CRACDL: variants seen among roughly 807,000 people sequenced by gnomAD.
CRACDL encodes the protein CRACD-like protein.
Under a neutral mutation model 70.6 loss-of-function variants are expected in CRACDL, and 26 were observed. The observed-to-expected ratio is 0.37, with a 90% CI of 0.27 to 0.51. The LOEUF is 0.51. CRACDL is among the 20% of genes least tolerant of loss of function. The pLI is 0.94. For missense variants in CRACDL, 1,283 were observed against 1,376.9 expected (o/e 0.93, Z 1.08); for synonymous variants, 618 against 615.2 (o/e 1.00, Z -0.07).
intron 5 of CRACDL, among the ~76,000 whole-genome samples, chr2:98,828,278 A>G (rs1456004114): frequency 3.3e-5 from 5 of 152,202 alleles, no homozygotes; most frequent in Admixed American, 6.5e-5. Flanking sequence ...GGGAGACTCT[A>G]GGAGGTGACA....
intron 1 of CRACDL, among the ~76,000 whole-genome samples, chr2:98,917,427 T>A (rs1258187672): frequency 6.6e-6 from 1 of 152,204 alleles, no homozygotes; most frequent in South Asian, 2.1e-4. Flanking sequence ...GCTTGCAGCT[T>A]CCTCTCCCAA....
chr2:98,876,820 G>C (rs1299544305), intron 1 of CRACDL, among the ~76,000 whole-genome samples: 2 of 152,350 alleles, frequency 1.3e-5, no homozygotes, highest in African/African-American at 4.8e-5. Flanking sequence ...GACCAGGCTA[G>C]GTGAAATTCA....
At chr2:98,921,823 C>G (rs1378378122) in intron 1 of CRACDL, among the ~76,000 whole-genome samples, 1 of 152,280 alleles carries the variant, frequency 6.6e-6, no homozygotes, top group East Asian at 1.9e-4. Context: ...ACCGGCCAGC[C>G]CCTCCTGTAA....
intron 1 of CRACDL, among the ~76,000 whole-genome samples, chr2:98,912,546 C>G (rs1708569490): frequency 6.6e-6 from 1 of 152,230 alleles, no homozygotes; most frequent in African/African-American, 2.4e-5. Context: ...TTGTGCTCAG[C>G]TCACAGCAGG....
chr2:98,927,539 C>T (rs113057289), intron 1 of CRACDL, among the ~76,000 whole-genome samples: 2 of 150,794 alleles, frequency 1.3e-5, no homozygotes, highest in Non-Finnish European at 2.9e-5. Flanking sequence ...AAAATTATTT[C>T]AGGCAGGACA....
At chr2:98,866,170 T>C (rs886181127) in intron 1 of CRACDL, among the ~76,000 whole-genome samples, 3 of 152,332 alleles carry the variant, frequency 2.0e-5, no homozygotes, top group Non-Finnish European at 4.4e-5. Context: ...GACAGAGCTC[T>C]AAGTAAAGCA....
Position 98,822,163 on chromosome 2 carries a change from T to TC in CRACDL, c.2109dup (p.Lys704GlufsTer103). The TC allele has an allele frequency of 6.2e-7, 1 of 1,608,878 alleles. No individual in the cohort carries two copies. Among genetic ancestry groups the TC allele is most frequent in the Non-Finnish European group, 8.5e-7 (1 of 1,177,972 alleles). On this transcript the variant is annotated frameshift_variant, in exon 7 of 10. Coordinates refer to ENST00000397899, the MANE Select transcript of CRACDL (RefSeq NM_207362.3). LOFTEE classifies it high-confidence loss of function. The surrounding 1 kb of genome is among the most constrained non-coding windows in gnomAD (Gnocchi z 4.9). Reference sequence around the variant, plus strand: ...TCGGCACTGTACCTCTTCACACCCTTCACCTCCTGAGAGGCGCCATCCCTG... The same window carrying TC: ...TCGGCACTGTACCTCTTCACACCCTTCCACCTCCTGAGAGGCGCCATCCCTG...
At chr2:98,856,652 T>G (rs1233488297) in intron 1 of CRACDL, among the ~76,000 whole-genome samples, 9 of 152,212 alleles carry the variant, frequency 5.9e-5, no homozygotes, top group Non-Finnish European at 8.8e-5. Context: ...TTGTTGGGAC[T>G]ATAATGTATA....
intron 1 of CRACDL, among the ~76,000 whole-genome samples, chr2:98,906,822 T>C (rs1708429128): frequency 6.6e-6 from 1 of 152,148 alleles, no homozygotes; most frequent in African/African-American, 2.4e-5. Flanking sequence ...TGGCAGAGAG[T>C]TAGTTGACTG....
chr2:98,880,486 G>T (rs192124104), intron 1 of CRACDL, among the ~76,000 whole-genome samples: 1 of 152,314 alleles, frequency 6.6e-6, no homozygotes, highest in Admixed American at 6.5e-5. Flanking sequence ...AGGTGGCAGT[G>T]AGTGACATCG....
Position 98,794,800 on chromosome 2 carries a change from A to G in CRACDL, c.2750-129T>C. On this transcript the variant is annotated intron_variant, in intron 9 of 9. Coordinates refer to ENST00000397899, the MANE Select transcript of CRACDL (RefSeq NM_207362.3). ...GTTCTCGAACATAAAATTCAATAAT[A>G]TGTCAACATGTAAGGAAGATTTGGG... 4.5e-6 allele frequency: 3 copies of G among 664,244 alleles called. No individual in the cohort carries two copies. In the South Asian group the frequency reaches 7.3e-5, roughly 16 times the overall value. 41.1% of individuals were successfully genotyped at this position (664,244 alleles called of 1,614,324 possible).
intron 1 of CRACDL, among the ~76,000 whole-genome samples, chr2:98,862,425 A>G (rs563107639): frequency 2.0e-5 from 3 of 152,214 alleles, no homozygotes; most frequent in Non-Finnish European, 4.4e-5. Context: ...CATCAAAGGA[A>G]AAAAACCAAC....
Position 98,822,039 on chromosome 2 carries a change from T to A in CRACDL, c.2234A>T (p.Gln745Leu), listed in dbSNP as rs1225714463. 1 of 1,544,722 alleles carries A rather than the reference T, an allele frequency of 6.5e-7. No individual in the cohort carries two copies. ...GGGGGGCCGGGCCTTCCCCTTTCCTTGGTCGCTGGGGGCCCTGGTGCCTCG... is the reference window on the plus strand; with the variant it reads ...GGGGGGCCGGGCCTTCCCCTTTCCTAGGTCGCTGGGGGCCCTGGTGCCTCG... ...ALRGTRAPSD[Q>L]GKGKARPPEP... Residue 745 changes from glutamine (Q) to leucine (L), a missense_variant, in exon 7 of 10, where the codon CAA (glutamine) becomes CTA (leucine). Gln to Leu is a moderately radical substitution (Grantham distance 113). Around this residue, in one of 2 missense-constraint regions of CRACDL, gnomAD observed 921 missense variants for 881.9 expected, o/e 1.04. Transcript: ENST00000397899. The surrounding 1 kb of genome is among the most constrained non-coding windows in gnomAD (Gnocchi z 4.9).
chr2:98,795,342 C>G (rs1315979338), intron 9 of CRACDL, among the ~76,000 whole-genome samples: 1 of 151,850 alleles, frequency 6.6e-6, no homozygotes, highest in Non-Finnish European at 1.5e-5. Context: ...TCCCAAAGTG[C>G]TGGGATTACA....
chr2:98,879,512 C>T (rs190573018), intron 1 of CRACDL, among the ~76,000 whole-genome samples: 6 of 152,218 alleles, frequency 3.9e-5, no homozygotes, highest in East Asian at 3.9e-4. Context: ...ATATGAGACA[C>T]CTAACATTCC....
At chr2:98,840,024 C>T (rs889564593) in intron 2 of CRACDL, among the ~76,000 whole-genome samples, 1 of 152,044 alleles carries the variant, frequency 6.6e-6, no homozygotes, top group African/African-American at 2.4e-5. Flanking sequence ...CTGTTCTTAT[C>T]TTTATTCTTT....
intron 1 of CRACDL, among the ~76,000 whole-genome samples, chr2:98,883,180 C>G (rs574434220): frequency 1.2e-4 from 19 of 152,320 alleles, no homozygotes; most frequent in African/African-American, 4.6e-4. Context: ...ATGTCTCATA[C>G]AGTATTCTGT....
At chr2:98,831,722 G>GA (rs1293635786) in intron 5 of CRACDL, among the ~76,000 whole-genome samples, 8 of 152,180 alleles carry the variant, frequency 5.3e-5, no homozygotes, top group African/African-American at 1.9e-4. Context: ...TTATGCACGA[G>GA]AAAGAGCTCG....
At chr2:98,811,202 C>CT (rs558291148) in intron 7 of CRACDL, among the ~76,000 whole-genome samples, 74 of 150,906 alleles carry the variant, frequency 4.9e-4, no homozygotes, top group African/African-American at 1.4e-3. Context: ...GCCACTATCC[C>CT]TTTTTTTTTG....
Sources: allele counts gnomAD v4.1 joint callset (sites outside exome capture counted in the v4.1 genomes callset), GRCh38; gene constraint gnomAD v4.1.1; regional missense constraint gnomAD v4.1.1; non-coding constraint Gnocchi (gnomAD v3.1); transcripts MANE v1.5; gene names NCBI Gene and HGNC (gene_info 2026-07-23, HGNC 2026-07-21).